Variants in PDE4D observed in about 807,000 individuals in gnomAD.
PDE4D encodes the protein phosphodiesterase 4D, also known as 3',5'-cyclic-AMP phosphodiesterase 4D.
Under a neutral mutation model 87.4 loss-of-function variants are expected in PDE4D, and 24 were observed. The ratio of observed to expected loss-of-function variants is 0.27; its 90% CI spans 0.20 to 0.39. The LOEUF (loss-of-function observed/expected upper bound fraction) is 0.39. Among genes scored for constraint, PDE4D ranks in the 10% least tolerant of loss-of-function variants. PDE4D has a pLI of 1.00. For missense variants in PDE4D, 714 were observed against 1,041.0 expected (o/e 0.69, Z 4.32); for synonymous variants, 384 against 383.2 (o/e 1.00, Z -0.02).
intron 1 of PDE4D, among the ~76,000 whole-genome samples, chr5:60,371,900 T>G (rs1419864003): frequency 6.6e-6 from 1 of 152,236 alleles, no homozygotes; most frequent in Non-Finnish European, 1.5e-5. Flanking sequence ...AGTGAGTTGT[T>G]TGCATTTTTC....
chr5:59,967,608 C>G (rs1760189534), intron 3 of PDE4D, among the ~76,000 whole-genome samples: 1 of 152,148 alleles, frequency 6.6e-6, no homozygotes, highest in East Asian at 1.9e-4. Context: ...ATGACAGATA[C>G]TGGCGAGGCT....
chr5:60,003,954 C>T (rs1304036813), intron 2 of PDE4D, among the ~76,000 whole-genome samples: 2 of 151,938 alleles, frequency 1.3e-5, no homozygotes, highest in Non-Finnish European at 2.9e-5. Flanking sequence ...AATAAATGTT[C>T]CTGGGAAAAC....
intron 3 of PDE4D, among the ~76,000 whole-genome samples, chr5:59,924,574 A>C (rs1755036751): frequency 6.6e-6 from 1 of 152,014 alleles, no homozygotes; most frequent in Non-Finnish European, 1.5e-5. Flanking sequence ...GAAAAAAAAA[A>C]AAAAAAGATC....
chr5:60,421,170 G>A (rs1446947251), intron 1 of PDE4D, among the ~76,000 whole-genome samples: 1 of 152,198 alleles, frequency 6.6e-6, no homozygotes, highest in Non-Finnish European at 1.5e-5. Context: ...TGACAGCTCT[G>A]AAGAGAGCAG....
chr5:59,224,788 T>G (rs529708309), intron 1 of PDE4D, among the ~76,000 whole-genome samples: 65 of 152,142 alleles, frequency 4.3e-4, no homozygotes, highest in Non-Finnish European at 8.2e-4. Flanking sequence ...GAGCATTCTC[T>G]CTTCACCATG....
intron 1 of PDE4D, among the ~76,000 whole-genome samples, chr5:59,460,978 G>A (rs1355765873): frequency 6.6e-6 from 1 of 152,284 alleles, no homozygotes; most frequent in African/African-American, 2.4e-5. Flanking sequence ...CAAGATATGT[G>A]TCAGCCATGA....
rs74689117 is a variant in PDE4D at position 59,710,237 on chromosome 5, T to C, written c.455+182931A>G. Among the ~76,000 whole-genome samples, 28 of 152,260 alleles carry C rather than the reference T, an allele frequency of 1.8e-4. No homozygotes were observed. In the East Asian group the frequency reaches 5.4e-3, roughly 29 times the overall value. On this transcript the variant is annotated intron_variant, in intron 1 of 14. Transcript: ENST00000340635. Reference sequence around the variant, plus strand: ...AAGTCAATTTTTCAGCTGAGTTTTATACATGAAAGGCCATCTCGTTTAGCC... The same window carrying C: ...AAGTCAATTTTTCAGCTGAGTTTTACACATGAAAGGCCATCTCGTTTAGCC...
chr5:60,451,456 T>C (rs1298511417), intron 1 of PDE4D, among the ~76,000 whole-genome samples: 1 of 152,036 alleles, frequency 6.6e-6, no homozygotes, highest in Non-Finnish European at 1.5e-5. Context: ...TCCAAGTGAG[T>C]TCACAGCAAG....
At chr5:59,383,842 T>C (rs2702363) in intron 1 of PDE4D, among the ~76,000 whole-genome samples, 23,358 of 152,188 alleles carry the variant, frequency 0.15, 1,917 homozygotes, top group East Asian at 0.19. Flanking sequence ...TAGGAATTTT[T>C]AATTTTTAAT....
At chr5:59,903,366 A>G (rs1185815220) in intron 3 of PDE4D, among the ~76,000 whole-genome samples, 1 of 152,080 alleles carries the variant, frequency 6.6e-6, no homozygotes, top group Non-Finnish European at 1.5e-5. Context: ...AAAATTCTCT[A>G]TCTTCTCAAT....
chr5:60,086,218 T>G (rs749465354), intron 2 of PDE4D, among the ~76,000 whole-genome samples: 1 of 152,194 alleles, frequency 6.6e-6, no homozygotes, highest in Non-Finnish European at 1.5e-5. Context: ...GAGGTTGAGC[T>G]TTTCAAATAC....
intron 6 of PDE4D, among the ~76,000 whole-genome samples, chr5:58,994,163 A>C (rs1031648537): frequency 6.6e-6 from 1 of 152,202 alleles, no homozygotes; most frequent in Non-Finnish European, 1.5e-5. Flanking sequence ...CAACATCCAC[A>C]AAATTTACCA....
intron 3 of PDE4D, among the ~76,000 whole-genome samples, chr5:59,947,148 A>AT (rs1757806219): frequency 6.6e-6 from 1 of 152,224 alleles, no homozygotes; most frequent in Non-Finnish European, 1.5e-5. Flanking sequence ...AAACTTCAAA[A>AT]TTGGTTGTTA....
chr5:59,093,129 C>A (rs930248512), intron 5 of PDE4D, among the ~76,000 whole-genome samples: 17 of 152,036 alleles, frequency 1.1e-4, no homozygotes, highest in African/African-American at 3.4e-4. Flanking sequence ...TTAGCATAAT[C>A]GAGGAAATGG....
intron 2 of PDE4D, among the ~76,000 whole-genome samples, chr5:60,074,118 G>T (rs190165168): frequency 2.0e-4 from 31 of 152,096 alleles, no homozygotes; most frequent in African/African-American, 7.2e-4. Context: ...TGTGATGTTA[G>T]GTTGTTTATT....
chr5:59,902,227 C>G (rs73761043), intron 3 of PDE4D, among the ~76,000 whole-genome samples: 3 of 152,092 alleles, frequency 2.0e-5, no homozygotes, highest in African/African-American at 7.2e-5. Flanking sequence ...AACAAGCAAA[C>G]AAAACAACCC....
intron 1 of PDE4D, among the ~76,000 whole-genome samples, chr5:59,429,629 A>G (rs1453166502): frequency 6.6e-6 from 1 of 152,182 alleles, no homozygotes; most frequent in Non-Finnish European, 1.5e-5. Flanking sequence ...GAGAGAATGG[A>G]ACATCTTTAT....
At chr5:59,440,160 A>G (rs1177994692) in intron 1 of PDE4D, among the ~76,000 whole-genome samples, 1 of 152,186 alleles carries the variant, frequency 6.6e-6, no homozygotes, top group Non-Finnish European at 1.5e-5. Context: ...AATATATGCA[A>G]TTGTGATTTA....
upstream of PDE4D, among the ~76,000 whole-genome samples, chr5:59,897,413 G>A (rs1751768785): frequency 6.6e-6 from 1 of 151,792 alleles, no homozygotes; most frequent in Admixed American, 6.6e-5. Context: ...AGTAACTAAG[G>A]GTCCATTTCT....
Sources: gnomAD v4.1 joint callset for allele counts (sites outside exome capture counted in the v4.1 genomes callset) on GRCh38, gnomAD v4.1.1 for gene constraint, MANE v1.5 for transcripts, NCBI Gene and HGNC (gene_info 2026-07-23, HGNC 2026-07-21) for gene names.